DRC11: variants seen among roughly 807,000 people sequenced by gnomAD.
The protein encoded by DRC11 is dynein regulatory complex subunit 11.
the DRC11 span, among the ~76,000 whole-genome samples, chr2:236,461,779 C>T: frequency 2.0e-5 from 3 of 152,166 alleles, no homozygotes; most frequent in Non-Finnish European, 4.4e-5. This position sits in a 1 kb window ranked among gnomAD's most constrained non-coding sequence, Gnocchi z 4.0. Flanking sequence ...CTTGCCCAAG[C>T]TTACACAGCT....
At chr2:236,484,388 T>A in the DRC11 span, among the ~76,000 whole-genome samples, 1 of 152,246 alleles carries the variant, frequency 6.6e-6, no homozygotes, top group Non-Finnish European at 1.5e-5. Context: ...CACATGTTTA[T>A]TGCAGAAAGA....
chr2:236,335,795 C>A, the DRC11 span, among the ~76,000 whole-genome samples: 1 of 152,136 alleles, frequency 6.6e-6, no homozygotes, highest in Non-Finnish European at 1.5e-5. The surrounding 1 kb of genome is among the most constrained non-coding windows in gnomAD (Gnocchi z 5.6). Context: ...TGAGAGGAGA[C>A]AGGGGTAGTC....
At chr2:236,359,100 A>C in the DRC11 span, among the ~76,000 whole-genome samples, 27,081 of 151,964 alleles carry the variant, frequency 0.18, 2,691 homozygotes, top group Non-Finnish European at 0.23. This position sits in a 1 kb window ranked among gnomAD's most constrained non-coding sequence, Gnocchi z 4.3. Flanking sequence ...GCAGGGAAGG[A>C]GGCTGGAGCA....
At chr2:236,464,031 CA>C in the DRC11 span, among the ~76,000 whole-genome samples, 3 of 152,210 alleles carry the variant, frequency 2.0e-5, no homozygotes, top group African/African-American at 7.2e-5. Flanking sequence ...TGGGCCTCTC[CA>C]CTGGGCAGCT....
At chr2:236,363,939 C>T in the DRC11 span, 85 of 1,613,842 alleles carry the variant, frequency 5.3e-5, 1 homozygote, top group South Asian at 1.1e-4. The surrounding 1 kb of genome is among the most constrained non-coding windows in gnomAD (Gnocchi z 5.6). Flanking sequence ...CTAACAGTAG[C>T]GATTTCACCA....
At chr2:236,366,977 T>A in the DRC11 span, among the ~76,000 whole-genome samples, 1 of 71,918 alleles carries the variant, frequency 1.4e-5, no homozygotes, top group East Asian at 3.4e-4. Context: ...ACCCGGCTAT[T>A]TTTTTTTTTT....
At chr2:236,358,528 A>AG in the DRC11 span, among the ~76,000 whole-genome samples, 6 of 145,498 alleles carry the variant, frequency 4.1e-5, no homozygotes, top group Non-Finnish European at 9.1e-5. Context: ...AGAAGTTATA[A>AG]GGCAGGGCTG....
the DRC11 span, among the ~76,000 whole-genome samples, chr2:236,448,598 A>G: frequency 1.3e-5 from 2 of 151,672 alleles, no homozygotes. The surrounding 1 kb of genome is among the most constrained non-coding windows in gnomAD (Gnocchi z 5.3). Flanking sequence ...GGCCTCCCAA[A>G]TTGCCGGGAT....
chr2:236,309,373 G>A, the DRC11 span, among the ~76,000 whole-genome samples: 1 of 152,032 alleles, frequency 6.6e-6, no homozygotes, highest in Non-Finnish European at 1.5e-5. This position sits in a 1 kb window ranked among gnomAD's most constrained non-coding sequence, Gnocchi z 5.7. Context: ...ACCAAGTCTA[G>A]CCCATCCCGA....
the DRC11 span, among the ~76,000 whole-genome samples, chr2:236,389,518 G>T: frequency 6.6e-6 from 1 of 152,158 alleles, no homozygotes; most frequent in Middle Eastern, 3.2e-3. Context: ...GCCCTGCTTC[G>T]GCTCGCGACC....
the DRC11 span, among the ~76,000 whole-genome samples, chr2:236,321,739 C>T: frequency 6.6e-6 from 1 of 152,166 alleles, no homozygotes; most frequent in Non-Finnish European, 1.5e-5. Flanking sequence ...CTGACAGTTC[C>T]AGCTCCCTTT....
chr2:236,403,786 C>A, the DRC11 span, among the ~76,000 whole-genome samples: 1 of 152,176 alleles, frequency 6.6e-6, no homozygotes, highest in Non-Finnish European at 1.5e-5. Flanking sequence ...GGGTGGGACT[C>A]ACTAGATACT....
At chr2:236,349,313 G>C in the DRC11 span, among the ~76,000 whole-genome samples, 2 of 152,072 alleles carry the variant, frequency 1.3e-5, no homozygotes, top group Non-Finnish European at 2.9e-5. This position sits in a 1 kb window ranked among gnomAD's most constrained non-coding sequence, Gnocchi z 5.5. Flanking sequence ...CCTACTTCCA[G>C]CTCCAAAAGT....
the DRC11 span, among the ~76,000 whole-genome samples, chr2:236,381,727 G>T: frequency 1.3e-5 from 2 of 152,102 alleles, no homozygotes; most frequent in East Asian, 1.9e-4. This position sits in a 1 kb window ranked among gnomAD's most constrained non-coding sequence, Gnocchi z 5.8. Context: ...GTGCTTATTT[G>T]CCATCTGTAC....
At chr2:236,384,328 T>C in the DRC11 span, among the ~76,000 whole-genome samples, 1 of 152,118 alleles carries the variant, frequency 6.6e-6, no homozygotes, top group Admixed American at 6.5e-5. Context: ...CAGCACCTGT[T>C]GTTGCCTGAC....
the DRC11 span, chr2:236,493,885 T>C: frequency 6.3e-7 from 1 of 1,596,658 alleles, no homozygotes. Context: ...TATCTAATTG[T>C]TGCTAGAGAA....
At chr2:236,397,708 T>A in the DRC11 span, among the ~76,000 whole-genome samples, 1 of 152,216 alleles carries the variant, frequency 6.6e-6, no homozygotes, top group Non-Finnish European at 1.5e-5. This position sits in a 1 kb window ranked among gnomAD's most constrained non-coding sequence, Gnocchi z 5.0. Context: ...TGCAGACACA[T>A]ACCTGATGCC....
chr2:236,459,531 ATACG>A, the DRC11 span, among the ~76,000 whole-genome samples: 2 of 101,328 alleles, frequency 2.0e-5, no homozygotes, highest in African/African-American at 7.5e-5. Context: ...GTATACATGT[ATACG>A]TATACGTATA....
At chr2:236,484,980 T>A in the DRC11 span, among the ~76,000 whole-genome samples, 28 of 152,210 alleles carry the variant, frequency 1.8e-4, no homozygotes, top group Admixed American at 1.8e-3. Context: ...ATCTCTTGCA[T>A]GCCTAATTCC....
Sources: gnomAD v4.1 joint callset for allele counts (sites outside exome capture counted in the v4.1 genomes callset) on GRCh38, gnomAD v4.1.1 for gene constraint, Gnocchi (gnomAD v3.1) non-coding constraint, MANE v1.5 for transcripts, NCBI Gene and HGNC (gene_info 2026-07-23, HGNC 2026-07-21) for gene names.